TRAPPC9: variants seen among roughly 807,000 people sequenced by gnomAD.
TRAPPC9 encodes the protein IKK2 binding protein.
TRAPPC9 carries 83 observed loss-of-function variants against 124.0 expected under a neutral mutation model. The observed-to-expected ratio is 0.67, with a 90% confidence interval of 0.56 to 0.80. TRAPPC9 has a LOEUF of 0.80. TRAPPC9 is among the 30% of genes least tolerant of loss of function. TRAPPC9 has a pLI of 0.00. For synonymous variants in TRAPPC9, 638 were observed against 617.5 expected (o/e 1.03, Z -0.49); for missense variants, 1,302 against 1,508.3 (o/e 0.86, Z 2.27).
chr8:139,917,842 G>C (rs80078640), intron 19 of TRAPPC9, among the ~76,000 whole-genome samples: 234 of 152,318 alleles, frequency 1.5e-3, no homozygotes, highest in African/African-American at 5.4e-3. Flanking sequence ...CCTGAACTCG[G>C]GCACACATGC....
intron 21 of TRAPPC9, among the ~76,000 whole-genome samples, chr8:139,824,046 A>G (rs1182304684): frequency 6.6e-6 from 1 of 152,224 alleles, no homozygotes; most frequent in Non-Finnish European, 1.5e-5. Context: ...TGGGGCTCTC[A>G]CGTGTATCAG....
intron 19 of TRAPPC9, among the ~76,000 whole-genome samples, chr8:139,954,940 C>T (rs985432792): frequency 6.6e-6 from 1 of 152,214 alleles, no homozygotes; most frequent in Non-Finnish European, 1.5e-5. Flanking sequence ...AACATCTCAT[C>T]AAGTTAATCT....
chr8:139,909,177 A>G (rs1003405924), intron 20 of TRAPPC9, among the ~76,000 whole-genome samples: 2 of 152,164 alleles, frequency 1.3e-5, no homozygotes, highest in Non-Finnish European at 1.5e-5. Context: ...GTATCCCCAT[A>G]TCTGCAGAAT....
At chr8:140,049,799 C>T (rs887324693) in intron 17 of TRAPPC9, among the ~76,000 whole-genome samples, 25 of 152,122 alleles carry the variant, frequency 1.6e-4, no homozygotes, top group African/African-American at 6.0e-4. Flanking sequence ...TGGAAGGTCT[C>T]CCGCCGAGTC....
At chr8:139,775,396 CTTTGCACAGGCTGATAAA>C (rs1172949808) in intron 21 of TRAPPC9, among the ~76,000 whole-genome samples, 1 of 152,200 alleles carries the variant, frequency 6.6e-6, no homozygotes, top group Non-Finnish European at 1.5e-5. Context: ...AACATTTTCC[CTTTGCACAGGCTGATAAA>C]TTTGCTTTTC....
chr8:139,966,917 G>T (rs1056036343), intron 19 of TRAPPC9, among the ~76,000 whole-genome samples: 2 of 152,144 alleles, frequency 1.3e-5, no homozygotes, highest in African/African-American at 4.8e-5. Context: ...AAGAATAAGA[G>T]AATACAGAGT....
intron 17 of TRAPPC9, among the ~76,000 whole-genome samples, chr8:140,086,667 A>C (rs1844205048): frequency 6.6e-6 from 1 of 152,148 alleles, no homozygotes. Context: ...CATGCCTGTA[A>C]TCCCAGCACT....
chr8:139,826,067 C>T (rs981849726), intron 21 of TRAPPC9, among the ~76,000 whole-genome samples: 11 of 152,170 alleles, frequency 7.2e-5, no homozygotes, highest in Non-Finnish European at 1.6e-4. Flanking sequence ...GAGAGGTCTT[C>T]CTGGCCAGGT....
chr8:140,398,636 G>C (rs1387097036), intron 6 of TRAPPC9, among the ~76,000 whole-genome samples: 1 of 152,196 alleles, frequency 6.6e-6, no homozygotes, highest in Non-Finnish European at 1.5e-5. Flanking sequence ...ATATCTGGCA[G>C]AAGAAATTTC....
chr8:139,755,517 C>T (rs1237245857), intron 21 of TRAPPC9, among the ~76,000 whole-genome samples: 12 of 129,226 alleles, frequency 9.3e-5, no homozygotes, highest in African/African-American at 3.7e-4. Flanking sequence ...GACAGCAGGT[C>T]GCAGGAGGAG....
At position 140,332,334 on chromosome 8, in the gene TRAPPC9, T is replaced by C. The variant is rs539264261; in HGVS notation, c.1496-20960A>G. The stretch of plus-strand genomic sequence containing the variant: ...TGGGAAGGGTTGGGGGAAGGAAGGA[T>C]AGGGAGAGGTTGGTCAACAGAGACA... On this transcript the variant is annotated intron_variant, in intron 9 of 22. Coordinates refer to ENST00000438773, the MANE Select transcript of TRAPPC9 (RefSeq NM_001160372.4). Among the ~76,000 whole-genome samples the C allele has an allele frequency of 3.3e-5, 5 of 152,092 alleles. No individual in the cohort carries two copies. The South Asian group carries it at 1.0e-3, about 32-fold the overall frequency.
intron 21 of TRAPPC9, among the ~76,000 whole-genome samples, chr8:139,746,218 C>T (rs766139744): frequency 7.2e-5 from 11 of 152,208 alleles, no homozygotes; most frequent in Admixed American, 1.3e-4. Context: ...ATGGAATACT[C>T]GACCTCGAGA....
At chr8:140,225,353 C>T (rs905451004) in intron 16 of TRAPPC9, among the ~76,000 whole-genome samples, 4 of 152,184 alleles carry the variant, frequency 2.6e-5, no homozygotes, top group South Asian at 2.1e-4. Flanking sequence ...TACACACACA[C>T]GCTCAATAAA....
At position 140,436,936 on chromosome 8, in the gene TRAPPC9, A is replaced by G. The variant is rs147253923; in HGVS notation, c.731-1696T>C. 7.4e-3 allele frequency among the ~76,000 whole-genome samples: 1,122 copies of G among 152,212 alleles called. 2 individuals carry two copies. Among genetic ancestry groups the G allele is most frequent in the Non-Finnish European group, 0.011 (750 of 68,020 alleles). On this transcript the variant is annotated intron_variant, in intron 3 of 22. Transcript: ENST00000438773. ...ACTTCTATTTCCCTAGCCTCTTTAA[A>G]AAACTAAATTTAAGTCCATTTTAAG...
At chr8:140,024,676 C>T (rs761659426) in intron 17 of TRAPPC9, among the ~76,000 whole-genome samples, 14 of 151,870 alleles carry the variant, frequency 9.2e-5, no homozygotes, top group Middle Eastern at 3.4e-3. Context: ...GGATGACAGG[C>T]GTGTGGGATG....
intron 1 of TRAPPC9, among the ~76,000 whole-genome samples, chr8:140,453,040 A>G (rs1195091715): frequency 6.6e-6 from 1 of 152,234 alleles, no homozygotes; most frequent in Non-Finnish European, 1.5e-5. Context: ...ATCCCTCAGT[A>G]TTATTTCTGA....
chr8:140,056,712 A>C (rs924936674), intron 17 of TRAPPC9, among the ~76,000 whole-genome samples: 2 of 152,198 alleles, frequency 1.3e-5, no homozygotes, highest in African/African-American at 4.8e-5. Flanking sequence ...TAAAACTCCA[A>C]GAAGAAAACA....
intron 21 of TRAPPC9, among the ~76,000 whole-genome samples, chr8:139,849,447 C>T (rs2130923522): frequency 6.6e-6 from 1 of 152,350 alleles, no homozygotes; most frequent in East Asian, 1.9e-4. Flanking sequence ...TAGCTGCTCC[C>T]TCTCCTCTCC....
chr8:139,734,900 T>G (rs1259947327), intron 21 of TRAPPC9, among the ~76,000 whole-genome samples: 3 of 152,232 alleles, frequency 2.0e-5, no homozygotes, highest in Non-Finnish European at 4.4e-5. Flanking sequence ...TCTATTCTAG[T>G]GTTTTTCAAG....
Sources: gnomAD v4.1 joint callset for allele counts (sites outside exome capture counted in the v4.1 genomes callset) on GRCh38, gnomAD v4.1.1 for gene constraint, MANE v1.5 for transcripts, NCBI Gene and HGNC (gene_info 2026-07-23, HGNC 2026-07-21) for gene names.